Variants in GSG1L observed in about 807,000 individuals in gnomAD.
GSG1L encodes the protein GSG1 like.
In GSG1L, 24 loss-of-function variants were observed where a neutral mutation model predicts 42.1. The observed-to-expected ratio is 0.57, with a 90% CI of 0.41 to 0.80. The LOEUF is 0.80. Ranked by LOEUF, GSG1L falls within the 30% of genes least tolerant of loss-of-function variation. The probability of loss-of-function intolerance (pLI) is 0.00; values close to 1 mark genes in which losing one functional copy is unlikely to be tolerated. For missense variants in GSG1L, 445 were observed against 472.2 expected, an observed-to-expected ratio of 0.94 and a Z score of 0.53; for synonymous variants, 215 against 203.5, an observed-to-expected ratio of 1.06 and a Z score of -0.48.
intron 2 of GSG1L, among the ~76,000 whole-genome samples, chr16:27,911,266 G>T (rs76478545): frequency 5.9e-4 from 72 of 122,118 alleles, no homozygotes; most frequent in South Asian, 4.9e-3. Context: ...CCTCTCTCTC[G>T]CTCTCTCTCT....
chr16:27,860,623 T>C (rs1163972110), intron 3 of GSG1L, among the ~76,000 whole-genome samples: 1 of 152,178 alleles, frequency 6.6e-6, no homozygotes, highest in African/African-American at 2.4e-5. Context: ...AAAAGACTAT[T>C]GGTGGGGAGA....
chr16:27,893,325 A>G (rs947116374), intron 2 of GSG1L, among the ~76,000 whole-genome samples: 3 of 152,132 alleles, frequency 2.0e-5, no homozygotes, highest in Non-Finnish European at 4.4e-5. Context: ...CCTTGCTGAG[A>G]GAGCTTCCAG....
chr16:27,993,558 A>G lies in GSG1L; in HGVS notation c.350-30355T>C, dbSNP rs556827123. On this transcript the variant is annotated intron_variant, in intron 1 of 6. Transcript: ENST00000447459. ...GGCCCAAGGAGAGGGACTCTGCCCAATATAATCAAAGAATGGCCCAGCCTC... is the reference window on the plus strand; with the variant it reads ...GGCCCAAGGAGAGGGACTCTGCCCAGTATAATCAAAGAATGGCCCAGCCTC... Among the ~76,000 whole-genome samples, 5 of 152,292 alleles carry G rather than the reference A, an allele frequency of 3.3e-5. No individual in the cohort carries two copies. The South Asian group carries it at 6.2e-4, about 19-fold the overall frequency.
chr16:27,897,208 C>T (rs1308337930), intron 2 of GSG1L, among the ~76,000 whole-genome samples: 6 of 152,212 alleles, frequency 3.9e-5, no homozygotes, highest in Admixed American at 3.9e-4. Flanking sequence ...ACCTCAAGAA[C>T]TGTGAGATAA....
intron 1 of GSG1L, among the ~76,000 whole-genome samples, chr16:28,019,431 G>A (rs1488885115): frequency 6.6e-6 from 1 of 152,194 alleles, no homozygotes; most frequent in Non-Finnish European, 1.5e-5. Flanking sequence ...AAAGGAGGAG[G>A]AACCCTCAGT....
intron 5 of GSG1L, among the ~76,000 whole-genome samples, chr16:27,814,854 G>A (rs905836717): frequency 2.6e-5 from 4 of 152,174 alleles, no homozygotes. Flanking sequence ...ATGTCAGTAC[G>A]TGACAATTTC....
In GSG1L at chr16:27,823,485, A is replaced by G. The variant is rs548391037; in HGVS notation, c.830+5304T>C. Among the ~76,000 whole-genome samples, 241 of 152,124 alleles carry G rather than the reference A, an allele frequency of 1.6e-3. 2 individuals are homozygous for G. In the South Asian group the frequency reaches 0.02, roughly 13 times the overall value. The stretch of plus-strand genomic sequence containing the variant: ...TGGTGGGGGTAGGGGTGGGAAAGGG[A>G]CAGTTTAATTTCTTCCTGTCCATCA... On this transcript the variant is annotated intron_variant, in intron 5 of 6. Transcript: ENST00000447459.
chr16:27,949,182 G>T (rs971374599), intron 2 of GSG1L, among the ~76,000 whole-genome samples: 1 of 151,916 alleles, frequency 6.6e-6, no homozygotes, highest in Non-Finnish European at 1.5e-5. Context: ...CTCCCAAAGT[G>T]CTGGATTACA....
chr16:27,880,488 T>G (rs557417440), intron 3 of GSG1L, among the ~76,000 whole-genome samples: 19 of 152,338 alleles, frequency 1.2e-4, no homozygotes, highest in African/African-American at 4.6e-4. Context: ...GAGCTGGGTT[T>G]AATCCCAGCT....
intron 5 of GSG1L, among the ~76,000 whole-genome samples, chr16:27,827,897 TCCATCC>T (rs879893399): frequency 0.16 from 14,949 of 94,570 alleles, 1,119 homozygotes; most frequent in African/African-American, 0.28. Context: ...CATCCATCCA[TCCATCC>T]CTTCACCTAC....
In GSG1L at chr16:27,943,566, C is replaced by CTTTTTTTTTT. The variant is rs11385465; in HGVS notation, c.397+19580_397+19589dup. 8.1e-4 allele frequency among the ~76,000 whole-genome samples: 55 copies of CTTTTTTTTTT among 67,720 alleles called. 1 individual carries two copies. The highest frequency in any genetic ancestry group is 1.1e-3 in the East Asian group (2 of 1,762). The allele number at this position is 67,720 out of a possible 152,430, so 44.4% of individuals were successfully genotyped here. A position where few individuals can be genotyped will look rare whatever the true frequency, so the allele number is the denominator to read the frequency against. ...GCTAACATTTTCTTTTTCTTTGTTT[C>CTTTTTTTTTT]TTTTTTTTTTTTTTTTTTTTTTTTT... On this transcript the variant is annotated intron_variant, in intron 2 of 6. Coordinates refer to ENST00000447459, the MANE Select transcript of GSG1L (RefSeq NM_001109763.2).
At chr16:27,967,771 GGT>G (rs2085151499) in intron 1 of GSG1L, among the ~76,000 whole-genome samples, 1 of 152,118 alleles carries the variant, frequency 6.6e-6, no homozygotes, top group Non-Finnish European at 1.5e-5. Context: ...AAATTCGCTG[GGT>G]GTGTTGGCAT....
In GSG1L at chr16:27,869,114, G is replaced by GCAACCCCAAACCA. The variant is rs2083769779; in HGVS notation, c.550+15371_550+15372insTGGTTTGGGGTTG. Among the ~76,000 whole-genome samples the GCAACCCCAAACCA allele has an allele frequency of 1.5e-3, 227 of 152,056 alleles. 2 individuals are homozygous for GCAACCCCAAACCA. The highest frequency in any genetic ancestry group is 5.3e-3 in the African/African-American group (219 of 41,316). ...GGGCCTCCCGTCCTCCCAGAGCTGG[G>GCAACCCCAAACCA]GGTCTCCTGCATTGATGGGGCTCCT... is the stretch of plus-strand genomic sequence containing the variant. On this transcript the variant is annotated intron_variant, in intron 3 of 6. Transcript: ENST00000447459.
At chr16:27,973,602 G>C (rs1412568434) in intron 1 of GSG1L, among the ~76,000 whole-genome samples, 1 of 152,128 alleles carries the variant, frequency 6.6e-6, no homozygotes, top group Non-Finnish European at 1.5e-5. Flanking sequence ...TCACAGACTA[G>C]CACATGGCCA....
intron 2 of GSG1L, among the ~76,000 whole-genome samples, chr16:27,893,997 C>A (rs2084160731): frequency 6.6e-6 from 1 of 152,250 alleles, no homozygotes; most frequent in Admixed American, 6.5e-5. Flanking sequence ...AAGTTATCCT[C>A]CAGCCCTGGT....
chr16:27,841,478 G>T (rs904659945), intron 4 of GSG1L, among the ~76,000 whole-genome samples: 2 of 152,222 alleles, frequency 1.3e-5, no homozygotes, highest in African/African-American at 4.8e-5. Flanking sequence ...TCCCTGCTGG[G>T]CAGGAAGACA....
intron 2 of GSG1L, among the ~76,000 whole-genome samples, chr16:27,907,914 C>A (rs1212441122): frequency 6.6e-6 from 1 of 152,222 alleles, no homozygotes; most frequent in Non-Finnish European, 1.5e-5. Context: ...ACAAACTTGT[C>A]CCCTGTGACC....
rs62029149 is a variant in GSG1L, at chr16:27,796,372, T to C, written c.899-4905A>G. ...GGAAACCTGTCAGCTAGTGACACTC[T>C]CATCGCTCTTCTAGGTCCACAAATC... is the stretch of plus-strand genomic sequence containing the variant. On this transcript the variant is annotated intron_variant, in intron 6 of 6. Transcript: ENST00000447459. Among the ~76,000 whole-genome samples the C allele has an allele frequency of 1.0e-2, 1,517 of 152,316 alleles. 21 individuals carry two copies. The highest frequency in any genetic ancestry group is 0.044 in the Middle Eastern group (13 of 294).
At chr16:27,996,050 C>T (rs1181467343) in intron 1 of GSG1L, among the ~76,000 whole-genome samples, 1 of 151,944 alleles carries the variant, frequency 6.6e-6, no homozygotes, top group Non-Finnish European at 1.5e-5. Context: ...TAAATAAAAA[C>T]ACACACAAGA....
Sources: allele counts gnomAD v4.1 joint callset (sites outside exome capture counted in the v4.1 genomes callset), GRCh38; gene constraint gnomAD v4.1.1; transcripts MANE v1.5; gene names NCBI Gene and HGNC (gene_info 2026-07-23, HGNC 2026-07-21).